The following CDH23 variants were observed in gnomAD, a reference collection of about 807,000 sequenced individuals.
CDH23 encodes cadherin-23.
CDH23 carries 189 observed loss-of-function variants against 317.1 expected under a neutral mutation model. The observed-to-expected ratio is 0.60, with a 90% confidence interval of 0.53 to 0.67. The LOEUF (loss-of-function observed/expected upper bound fraction) is 0.67. Among genes scored for constraint, CDH23 ranks in the 30% least tolerant of loss-of-function variants. The pLI is 0.00. For missense variants in CDH23, 4,401 were observed against 4,592.4 expected, an observed-to-expected ratio of 0.96 and a Z score of 1.20; for synonymous variants, 1,839 against 1,876.8, an observed-to-expected ratio of 0.98 and a Z score of 0.52.
chr10:71,673,086 C>T (rs150685814), intron 14 of CDH23, among the ~76,000 whole-genome samples: 15 of 152,248 alleles, frequency 9.9e-5, no homozygotes, highest in South Asian at 2.1e-4. Context: ...TTGTCTTCAC[C>T]GCTGTCTCTC....
Position 71,803,199 on chromosome 10 carries a change from C to A in CDH23, c.7661-10C>A. 1 of 1,609,068 alleles carries A rather than the reference C, an allele frequency of 6.2e-7. No homozygotes were observed. The highest frequency in any genetic ancestry group is 8.5e-7 in the Non-Finnish European group (1 of 1,177,268). On this transcript the variant is annotated splice_polypyrimidine_tract_variant and intron_variant, in intron 54 of 69. Transcript: ENST00000224721. ...CTCAACCAGAGCTACTCTCCTGCTC[C>A]CACTGCCAGAGGCCTTCCATGTGGA...
At chr10:71,581,222 T>C (rs1472522331) in intron 9 of CDH23, among the ~76,000 whole-genome samples, 1 of 152,232 alleles carries the variant, frequency 6.6e-6, no homozygotes, top group Non-Finnish European at 1.5e-5. Flanking sequence ...GGTAGGGGCC[T>C]GCCCCAGCCC....
chr10:71,511,081 T>G, intron 5 of CDH23, 39 bp from the exon 6 acceptor site: 1 of 1,611,046 alleles, frequency 6.2e-7, no homozygotes, highest in Non-Finnish European at 8.5e-7. Flanking sequence ...GAGGCCAGAG[T>G]CAGGTGGCGG....
chr10:71,598,090 A>G (rs774992649), intron 9 of CDH23, among the ~76,000 whole-genome samples: 1 of 152,222 alleles, frequency 6.6e-6, no homozygotes, highest in South Asian at 2.1e-4. Flanking sequence ...CTCCTTCCTG[A>G]GGCTCCACCC....
At chr10:71,402,401 G>C (rs1439058362) in intron 1 of CDH23, among the ~76,000 whole-genome samples, 1 of 152,200 alleles carries the variant, frequency 6.6e-6, no homozygotes, top group Non-Finnish European at 1.5e-5. Context: ...CGACAGACTT[G>C]ATATTGAGCA....
chr10:71,749,130 G>A (rs1005867367), intron 38 of CDH23: 9 of 152,124 alleles, frequency 5.9e-5, no homozygotes, highest in African/African-American at 1.7e-4. Flanking sequence ...AGCAGCTGAG[G>A]GCTGGGGCCA....
At chr10:71,527,019 G>A (rs538243605) in intron 6 of CDH23, among the ~76,000 whole-genome samples, 10 of 152,312 alleles carry the variant, frequency 6.6e-5, no homozygotes, top group African/African-American at 1.9e-4. Context: ...TGAGAGTGGT[G>A]CTGGGCTCGT....
intron 3 of CDH23, among the ~76,000 whole-genome samples, chr10:71,453,427 T>C (rs1470535354): frequency 6.6e-6 from 1 of 152,202 alleles, no homozygotes; most frequent in Non-Finnish European, 1.5e-5. Context: ...GAGCAGCCCC[T>C]GTAGAGCTGA....
intron 14 of CDH23, among the ~76,000 whole-genome samples, 185 bp from the exon 15 acceptor site, chr10:71,674,927 C>T (rs866385317): frequency 4.6e-5 from 7 of 152,192 alleles, no homozygotes; most frequent in African/African-American, 1.7e-4. Context: ...GTTTCTGTCC[C>T]ACTCTGCTTC....
intron 1 of CDH23, among the ~76,000 whole-genome samples, chr10:71,432,372 T>G (rs1250524949): frequency 2.1e-5 from 3 of 145,636 alleles, no homozygotes; most frequent in Admixed American, 6.8e-5. Flanking sequence ...TGGGTGTGTG[T>G]TTGAGAGTGT....
At chr10:71,715,990 C>G (rs754712347) in intron 28 of CDH23, 1 of 1,495,530 alleles carries the variant, frequency 6.7e-7, no homozygotes, top group Non-Finnish European at 8.9e-7. Context: ...CCTCGGGGCC[C>G]GGCAGGGGCT....
Position 71,456,475 on chromosome 10 carries a change from C to T in CDH23, c.145+10080C>T, listed in dbSNP as rs369603361. ...CACTCCCAAGCGGTCCCTGTCTGGG[C>T]ACATCTGGAGCCTGTGGCAGCCCCG... On this transcript the variant is annotated intron_variant, in intron 3 of 69. Transcript: ENST00000224721. Among the ~76,000 whole-genome samples, 80 of 143,488 alleles carry T rather than the reference C, an allele frequency of 5.6e-4. No individual in the cohort carries two copies. The South Asian group carries it at 7.1e-3, about 13-fold the overall frequency. 94.1% of individuals were successfully genotyped at this position (143,488 alleles called of 152,430 possible).
chr10:71,697,577 G>A (rs1865439811), intron 22 of CDH23, among the ~76,000 whole-genome samples: 1 of 152,074 alleles, frequency 6.6e-6, no homozygotes. Flanking sequence ...GGAGGCTAAG[G>A]CAAGATGATT....
rs769983111 is a variant in CDH23 at position 71,812,805 on chromosome 10, A to C, written c.9548A>C (p.Asp3183Ala). The C allele has an allele frequency of 1.9e-6, 3 of 1,613,510 alleles. No individual in the cohort carries two copies. The highest frequency in any genetic ancestry group is 1.7e-6 in the Non-Finnish European group (2 of 1,179,672). The stretch of plus-strand genomic sequence containing the variant: ...CGTGAGCCAGCAGCTGTCAAGCCTG[A>C]TGATGACCGATACCTGCGGGCTGCC... Reference protein sequence around the residue: ...FGREPAAVKPDDDRYLRAAIQ... With the variant: ...FGREPAAVKPADDRYLRAAIQ... The change falls in exon 68 of 70, where the codon GAT becomes GCT. Residue 3183 changes from aspartate to alanine, a missense_variant. This residue lies in a region of CDH23 where 1,144 missense variants were observed against 1,138.2 expected (regional missense o/e 1.01). Coordinates refer to ENST00000224721, the MANE Select transcript of CDH23 (RefSeq NM_022124.6).
intron 9 of CDH23, among the ~76,000 whole-genome samples, chr10:71,589,001 A>G (rs1352887056): frequency 6.6e-6 from 1 of 151,344 alleles, no homozygotes; most frequent in African/African-American, 2.4e-5. Flanking sequence ...GCCCCTCCCC[A>G]CTCACACGCA....
chr10:71,680,829 CTT>C (rs1312991062), intron 17 of CDH23, among the ~76,000 whole-genome samples: 1 of 70,142 alleles, frequency 1.4e-5, no homozygotes, highest in Non-Finnish European at 2.5e-5. Flanking sequence ...TTTTCTTTTT[CTT>C]TTTTTTTTTT....
chr10:71,785,803 C>A, intron 44 of CDH23, 65 bp downstream of exon 44: 1 of 969,544 alleles, frequency 1.0e-6, no homozygotes, highest in South Asian at 1.4e-5. Context: ...GAGAACACAT[C>A]ACCCCTCCTG....
chr10:71,667,359 A>AGAGAGAGAGGGTGTGTGTGTGT (rs58361666), intron 14 of CDH23, among the ~76,000 whole-genome samples: 1 of 112,080 alleles, frequency 8.9e-6, no homozygotes, highest in Non-Finnish European at 1.7e-5. Context: ...AGAGAGAGAG[A>AGAGAGAGAGGGTGTGTGTGTGT]GTGTGTGTGT....
chr10:71,790,251 G>C, intron 45 of CDH23, 37 bp from the exon 46 acceptor site: 1 of 1,611,014 alleles, frequency 6.2e-7, no homozygotes, highest in Non-Finnish European at 8.5e-7. Context: ...CAGGGGGCTG[G>C]GTTGGTCTTG....
Sources: allele counts gnomAD v4.1 joint callset (sites outside exome capture counted in the v4.1 genomes callset), GRCh38; gene constraint gnomAD v4.1.1; regional missense constraint gnomAD v4.1.1; transcripts MANE v1.5; gene names NCBI Gene and HGNC (gene_info 2026-07-23, HGNC 2026-07-21).